ST8SIA6: variants seen among roughly 807,000 people sequenced by gnomAD.
ST8SIA6 encodes the protein alpha-2,8-sialyltransferase 8F.
Under a neutral mutation model 33.6 loss-of-function variants are expected in ST8SIA6, and 39 were observed. The observed-to-expected ratio is 1.16, with a 90% CI of 0.90 to 1.52. The LOEUF (loss-of-function observed/expected upper bound fraction) is 1.52, where lower values mean the gene tolerates loss of function less well. ST8SIA6 is among the 40% of genes most tolerant of loss of function. ST8SIA6 has a pLI of 0.00. For synonymous variants in ST8SIA6, 172 were observed against 167.2 expected, an observed-to-expected ratio of 1.03 and a Z score of -0.22; for missense variants, 441 against 443.8, an observed-to-expected ratio of 0.99 and a Z score of 0.06.
chr10:17,343,885 T>A (rs1329722006), intron 4 of ST8SIA6, among the ~76,000 whole-genome samples: 1 of 152,156 alleles, frequency 6.6e-6, no homozygotes, highest in African/African-American at 2.4e-5. Flanking sequence ...TAATAATAAA[T>A]ACATGCATGG....
intron 3 of ST8SIA6, among the ~76,000 whole-genome samples, chr10:17,376,794 T>A (rs1849929902): frequency 6.6e-6 from 1 of 151,670 alleles, no homozygotes; most frequent in Non-Finnish European, 1.5e-5. Flanking sequence ...CTAGAAAGAA[T>A]AGAGCTGCAG....
At chr10:17,348,445 T>G (rs1049357703) in intron 4 of ST8SIA6, among the ~76,000 whole-genome samples, 2 of 152,188 alleles carry the variant, frequency 1.3e-5, no homozygotes, top group Non-Finnish European at 2.9e-5. Flanking sequence ...AACTTCAATT[T>G]ACCAGGCCAA....
chr10:17,321,756 C>A (rs1449547120), intron 7 of ST8SIA6, among the ~76,000 whole-genome samples: 1 of 152,094 alleles, frequency 6.6e-6, no homozygotes, highest in African/African-American at 2.4e-5. Context: ...GAGCTGCGCA[C>A]TTATGATTTG....
intron 2 of ST8SIA6, among the ~76,000 whole-genome samples, chr10:17,419,050 C>G (rs1851697587): frequency 6.7e-6 from 1 of 149,364 alleles, no homozygotes; most frequent in African/African-American, 2.5e-5. Flanking sequence ...TCTATGGTTT[C>G]CAAAATAAAT....
intron 4 of ST8SIA6, among the ~76,000 whole-genome samples, chr10:17,353,976 T>C (rs1018820830): frequency 2.6e-5 from 4 of 152,204 alleles, no homozygotes; most frequent in Non-Finnish European, 5.9e-5. Context: ...GGACTGTTAC[T>C]GTGTACCTAT....
chr10:17,354,617 G>T (rs1271611176), intron 4 of ST8SIA6, among the ~76,000 whole-genome samples: 1 of 152,028 alleles, frequency 6.6e-6, no homozygotes, highest in African/African-American at 2.4e-5. Flanking sequence ...AATTCATAGC[G>T]GAAACTTAGA....
intron 2 of ST8SIA6, among the ~76,000 whole-genome samples, chr10:17,439,452 G>C (rs1419264771): frequency 1.3e-5 from 2 of 152,092 alleles, no homozygotes; most frequent in African/African-American, 4.8e-5. Context: ...GCTAATTTTT[G>C]TATTTGTAGT....
intron 4 of ST8SIA6, among the ~76,000 whole-genome samples, chr10:17,353,529 A>G (rs1261810714): frequency 2.6e-5 from 4 of 152,340 alleles, no homozygotes; most frequent in East Asian, 3.8e-4. Flanking sequence ...AGAAATATCA[A>G]TTAATCTACA....
At chr10:17,414,453 T>TA (rs1253931405) in intron 2 of ST8SIA6, among the ~76,000 whole-genome samples, 1 of 152,222 alleles carries the variant, frequency 6.6e-6, no homozygotes, top group Non-Finnish European at 1.5e-5. Context: ...AACACTTTCA[T>TA]ACTGCTCCCA....
chr10:17,433,680 C>T (rs1310137431), intron 2 of ST8SIA6, among the ~76,000 whole-genome samples: 2 of 152,164 alleles, frequency 1.3e-5, no homozygotes, highest in Admixed American at 6.6e-5. Context: ...GTATGGCCAT[C>T]CTGGCTTGAA....
In ST8SIA6 at chr10:17,436,901, T is replaced by C. The variant is rs921425603; in HGVS notation, c.200+16658A>G. 5.9e-5 allele frequency among the ~76,000 whole-genome samples: 9 copies of C among 152,130 alleles called. No individual in the cohort carries two copies. The South Asian group carries it at 1.9e-3, about 31-fold the overall frequency. ...ACCCTGTGAGATATGCCTTTTACCT[T>C]CCACCATGATTGTGAGGCCTTTCCA... On this transcript the variant is annotated intron_variant, in intron 2 of 7. Transcript: ENST00000377602.
At chr10:17,405,230 G>T (rs1223810045) in intron 2 of ST8SIA6, among the ~76,000 whole-genome samples, 2 of 151,838 alleles carry the variant, frequency 1.3e-5, no homozygotes, top group Non-Finnish European at 2.9e-5. Flanking sequence ...AAATAGCCAG[G>T]CATGGTAGTA....
chr10:17,327,879 C>G (rs927639965), intron 5 of ST8SIA6, among the ~76,000 whole-genome samples: 2 of 152,026 alleles, frequency 1.3e-5, no homozygotes, highest in African/African-American at 2.4e-5. Flanking sequence ...TGCCCTCCAG[C>G]CTGGGCGACA....
chr10:17,390,799 G>GAA lies in ST8SIA6; in HGVS notation c.201-181_201-180dup, dbSNP rs60135551. On this transcript the variant is annotated intron_variant, in intron 2 of 7. Transcript: ENST00000377602. ...ATTTTCACCTCTGATGGGTCTAAAT[G>GAA]AAAAAAAAAACAAAAAACTTACGCT... is the stretch of plus-strand genomic sequence containing the variant. 8.2e-4 allele frequency among the ~76,000 whole-genome samples: 114 copies of GAA among 139,458 alleles called. No individual in the cohort carries two copies. The Middle Eastern group carries it at 0.015, about 18-fold the overall frequency. 91.5% of individuals were successfully genotyped at this position (139,458 alleles called of 152,430 possible). A position where few individuals can be genotyped will look rare whatever the true frequency, so the allele number is the denominator to read the frequency against.
chr10:17,340,108 T>C (rs1009692847), intron 4 of ST8SIA6, among the ~76,000 whole-genome samples: 1 of 152,262 alleles, frequency 6.6e-6, no homozygotes, highest in African/African-American at 2.4e-5. Flanking sequence ...CAGTGAGTTC[T>C]AAGTTTCTCT....
intron 3 of ST8SIA6, among the ~76,000 whole-genome samples, chr10:17,379,894 C>T (rs182016224): frequency 3.3e-5 from 5 of 152,106 alleles, no homozygotes; most frequent in Non-Finnish European, 7.4e-5. Context: ...ATTTTGGTAA[C>T]CATGAAGGGA....
intron 2 of ST8SIA6, among the ~76,000 whole-genome samples, chr10:17,427,073 C>T (rs1484310173): frequency 6.9e-6 from 1 of 145,726 alleles, no homozygotes. Context: ...CACTGCCCTC[C>T]AGCCTGGGAG....
chr10:17,337,893 GCAAGGTTT>G (rs1848555599), intron 4 of ST8SIA6, among the ~76,000 whole-genome samples: 1 of 152,132 alleles, frequency 6.6e-6, no homozygotes, highest in South Asian at 2.1e-4. Flanking sequence ...TGTCTATAAT[GCAAGGTTT>G]CACCTTCCAT....
intron 2 of ST8SIA6, among the ~76,000 whole-genome samples, chr10:17,394,764 C>A (rs1588882318): frequency 6.6e-6 from 1 of 152,166 alleles, no homozygotes; most frequent in African/African-American, 2.4e-5. Context: ...GGTTGGGGCA[C>A]ACCACAAGTG....
Sources: gnomAD v4.1 joint callset for allele counts (sites outside exome capture counted in the v4.1 genomes callset) on GRCh38, gnomAD v4.1.1 for gene constraint, MANE v1.5 for transcripts, NCBI Gene and HGNC (gene_info 2026-07-23, HGNC 2026-07-21) for gene names.